DMRT1: variants seen among roughly 807,000 people sequenced by gnomAD.
DMRT1 encodes doublesex and mab-3 related transcription factor 1.
Under a neutral mutation model 32.3 loss-of-function variants are expected in DMRT1, and 7 were observed. The ratio of observed to expected loss-of-function variants is 0.22; its 90% CI spans 0.12 to 0.41. DMRT1 has a LOEUF of 0.41. Ranked by LOEUF, DMRT1 falls within the 10% of genes least tolerant of loss-of-function variation. The probability of loss-of-function intolerance (pLI) is 1.00; values close to 1 mark genes in which losing one functional copy is unlikely to be tolerated. For missense variants in DMRT1, 625 were observed against 500.5 expected, an observed-to-expected ratio of 1.25 and a Z score of -2.37; for synonymous variants, 278 against 206.1, an observed-to-expected ratio of 1.35 and a Z score of -2.99.
At chr9:880,151 C>G (rs1039151720) in intron 2 of DMRT1, among the ~76,000 whole-genome samples, 3 of 152,180 alleles carry the variant, frequency 2.0e-5, no homozygotes, top group Non-Finnish European at 2.9e-5. Flanking sequence ...TCATCAGTCA[C>G]TCTTCCAGGA....
rs141787295 is a variant in DMRT1, at chr9:957,747, C to T, written c.968-10238C>T. Among the ~76,000 whole-genome samples, 1,157 of 152,328 alleles carry T rather than the reference C, an allele frequency of 7.6e-3. 12 individuals are homozygous for T. Among genetic ancestry groups the T allele is most frequent in the Non-Finnish European group, 0.012 (807 of 68,036 alleles). ...ATATTGAGCTGAGGGCAGTGGCTCG[C>T]GCCTGTAATCCCAGCACTTTGGGAG... On this transcript the variant is annotated intron_variant, in intron 4 of 4. Transcript: ENST00000382276.
At chr9:929,792 C>G (rs1479002936) in intron 4 of DMRT1, among the ~76,000 whole-genome samples, 1 of 152,084 alleles carries the variant, frequency 6.6e-6, no homozygotes, top group East Asian at 1.9e-4. Context: ...TTAAGTCCCC[C>G]CAGGATGTAA....
chr9:917,709 AACTTGAC>A (rs1288623291), intron 4 of DMRT1, among the ~76,000 whole-genome samples: 22 of 152,230 alleles, frequency 1.4e-4, no homozygotes, highest in African/African-American at 5.3e-4. Flanking sequence ...TTTTCTAAGT[AACTTGAC>A]TCTTTAGAGA....
chr9:909,286 A>G (rs1248330151), intron 3 of DMRT1, among the ~76,000 whole-genome samples: 2 of 152,224 alleles, frequency 1.3e-5, no homozygotes, highest in Admixed American at 1.3e-4. Context: ...AAATGTGTGC[A>G]TAATAGCAAT....
intron 4 of DMRT1, among the ~76,000 whole-genome samples, chr9:941,506 G>A (rs1819071156): frequency 6.6e-6 from 1 of 152,172 alleles, no homozygotes; most frequent in Non-Finnish European, 1.5e-5. Context: ...GAGGCAAAAA[G>A]TGGAGTAGTG....
At chr9:891,751 C>G (rs58346453) in intron 2 of DMRT1, among the ~76,000 whole-genome samples, 3,972 of 151,828 alleles carry the variant, frequency 0.026, 194 homozygotes, top group East Asian at 0.14. Flanking sequence ...GTCTTGATCT[C>G]CTGACCTCGT....
At chr9:928,422 C>G (rs1818598518) in intron 4 of DMRT1, among the ~76,000 whole-genome samples, 2 of 152,174 alleles carry the variant, frequency 1.3e-5, no homozygotes, top group Middle Eastern at 3.2e-3. Context: ...GGGATTTCCT[C>G]TACTTTAAAT....
intron 4 of DMRT1, among the ~76,000 whole-genome samples, chr9:925,157 G>C (rs560482869): frequency 6.6e-6 from 1 of 152,114 alleles, no homozygotes; most frequent in Admixed American, 6.5e-5. Flanking sequence ...GGTCAGCTTC[G>C]TACTCCTCCA....
chr9:847,730 C>T (rs1427506800), intron 2 of DMRT1, among the ~76,000 whole-genome samples: 1 of 152,176 alleles, frequency 6.6e-6, no homozygotes, highest in Admixed American at 6.5e-5. Flanking sequence ...TTATCTGTCT[C>T]CAAAGCTCAA....
At chr9:912,391 T>G (rs544334494) in intron 3 of DMRT1, among the ~76,000 whole-genome samples, 1 of 152,328 alleles carries the variant, frequency 6.6e-6, no homozygotes, top group East Asian at 1.9e-4. Context: ...TTTTTCTTCT[T>G]TTACTGGAAT....
chr9:958,137 G>A (rs1219183409), intron 4 of DMRT1, among the ~76,000 whole-genome samples: 3 of 152,186 alleles, frequency 2.0e-5, no homozygotes, highest in Non-Finnish European at 4.4e-5. Context: ...AGTTTTGTGT[G>A]TTACATGTAA....
chr9:852,823 G>A (rs1210571321), intron 2 of DMRT1, among the ~76,000 whole-genome samples: 2 of 152,194 alleles, frequency 1.3e-5, no homozygotes, highest in Non-Finnish European at 2.9e-5. Context: ...TCCCCTGTTA[G>A]AAGGATCAGT....
intron 2 of DMRT1, among the ~76,000 whole-genome samples, chr9:850,856 C>T (rs1403608964): frequency 2.0e-5 from 3 of 151,812 alleles, no homozygotes; most frequent in African/African-American, 7.3e-5. Flanking sequence ...TGGCGAAACC[C>T]CATCTCTACT....
intron 4 of DMRT1, among the ~76,000 whole-genome samples, chr9:943,641 G>A (rs184770676): frequency 6.6e-6 from 1 of 152,326 alleles, no homozygotes; most frequent in Admixed American, 6.5e-5. Context: ...GTGGGGATAT[G>A]TATGTGGTCC....
intron 3 of DMRT1, among the ~76,000 whole-genome samples, chr9:905,466 C>T: frequency 8.9e-6 from 1 of 112,928 alleles, no homozygotes; most frequent in East Asian, 2.5e-4. Context: ...CTCCTCACTC[C>T]CTTGCCCCTG....
rs111435471 is a variant in DMRT1 at position 900,822 on chromosome 9, C to G, written c.822+6627C>G. ...ATCTCAGTCTCACGAGTAGCTGGGA[C>G]TACAGGTGTGTGCCACCATGCCACA... On this transcript the variant is annotated intron_variant, in intron 3 of 4. Coordinates refer to ENST00000382276, the MANE Select transcript of DMRT1 (RefSeq NM_021951.3). Among the ~76,000 whole-genome samples, 1,305 of 151,736 alleles carry G rather than the reference C, an allele frequency of 8.6e-3. 19 individuals are homozygous for G. The highest frequency in any genetic ancestry group is 0.03 in the African/African-American group (1,251 of 41,346).
At chr9:943,420 T>TTCC (rs1168609359) in intron 4 of DMRT1, among the ~76,000 whole-genome samples, 1 of 152,174 alleles carries the variant, frequency 6.6e-6, no homozygotes, top group Non-Finnish European at 1.5e-5. Context: ...AGGTGATGCT[T>TTCC]TCACAGAGGC....
chr9:849,642 C>G (rs1215871471), intron 2 of DMRT1, among the ~76,000 whole-genome samples: 1 of 152,196 alleles, frequency 6.6e-6, no homozygotes, highest in African/African-American at 2.4e-5. Context: ...GAGGATTTAA[C>G]CAGAGTCCCT....
At chr9:860,941 G>C (rs1354573661) in intron 2 of DMRT1, among the ~76,000 whole-genome samples, 1 of 152,162 alleles carries the variant, frequency 6.6e-6, no homozygotes, top group African/African-American at 2.4e-5. Flanking sequence ...CATAGCAGAA[G>C]GGCGCACAGC....
Sources: gnomAD v4.1 joint callset for allele counts (sites outside exome capture counted in the v4.1 genomes callset) on GRCh38, gnomAD v4.1.1 for gene constraint, MANE v1.5 for transcripts, NCBI Gene and HGNC (gene_info 2026-07-23, HGNC 2026-07-21) for gene names.